The following WWOX variants were observed in gnomAD, a reference collection of about 807,000 sequenced individuals.
The protein encoded by WWOX is WW domain containing oxidoreductase.
A neutral mutation model predicts 46.2 loss-of-function variants in WWOX; 69 were observed. The ratio of observed to expected loss-of-function variants is 1.49; its 90% CI spans 1.23 to 1.82. The LOEUF is 1.82. Ranked by LOEUF, WWOX falls within the 40% of genes most tolerant of loss-of-function variation. The pLI is 0.00. For missense variants in WWOX, 919 were observed against 542.6 expected, an observed-to-expected ratio of 1.69 and a Z score of -6.89; for synonymous variants, 359 against 202.6, an observed-to-expected ratio of 1.77 and a Z score of -6.56.
chr16:79,078,797 C>T (rs2048706904), intron 8 of WWOX, among the ~76,000 whole-genome samples: 1 of 152,168 alleles, frequency 6.6e-6, no homozygotes, highest in South Asian at 2.1e-4. Context: ...CTTTATTTCT[C>T]CAAGTGGTGA....
intron 8 of WWOX, among the ~76,000 whole-genome samples, chr16:78,677,917 C>A (rs1174600805): frequency 6.6e-6 from 1 of 152,196 alleles, no homozygotes; most frequent in East Asian, 1.9e-4. Context: ...GTAGCCCGTT[C>A]CACTCCTACA....
intron 8 of WWOX, among the ~76,000 whole-genome samples, chr16:78,758,907 A>C (rs760168939): frequency 7.3e-5 from 11 of 150,986 alleles, no homozygotes; most frequent in Non-Finnish European, 1.6e-4. Context: ...CCAGCATTTT[A>C]TATTTTGCAT....
At chr16:78,422,565 T>A (rs1448801418) in intron 6 of WWOX, among the ~76,000 whole-genome samples, 3 of 148,970 alleles carry the variant, frequency 2.0e-5, no homozygotes, top group Non-Finnish European at 4.5e-5. Flanking sequence ...CAGGCTGGTT[T>A]TGAATACTGG....
intron 8 of WWOX, among the ~76,000 whole-genome samples, chr16:78,632,284 G>C (rs2046450643): frequency 6.6e-6 from 1 of 152,066 alleles, no homozygotes; most frequent in South Asian, 2.1e-4. Flanking sequence ...AGGGGAGTGA[G>C]GAATAAATGA....
At chr16:79,113,293 G>A (rs1300336684) in intron 8 of WWOX, among the ~76,000 whole-genome samples, 2 of 152,132 alleles carry the variant, frequency 1.3e-5, no homozygotes, top group Non-Finnish European at 2.9e-5. Context: ...GACGGGTGAA[G>A]AATTCACCTG....
chr16:78,532,738 A>G (rs1244673903), intron 8 of WWOX, among the ~76,000 whole-genome samples: 1 of 151,788 alleles, frequency 6.6e-6, no homozygotes, highest in African/African-American at 2.4e-5. Context: ...ACTCTCCCTT[A>G]TGATACCGTC....
At chr16:78,206,270 T>A (rs538951630) in intron 5 of WWOX, among the ~76,000 whole-genome samples, 1 of 152,150 alleles carries the variant, frequency 6.6e-6, no homozygotes, top group African/African-American at 2.4e-5. Flanking sequence ...ATTTTGGAAA[T>A]GAGCCTGTCA....
intron 8 of WWOX, among the ~76,000 whole-genome samples, chr16:79,149,611 C>T (rs1044046587): frequency 6.6e-6 from 1 of 152,196 alleles, no homozygotes; most frequent in African/African-American, 2.4e-5. Context: ...GGGAGCTCAG[C>T]TTTAGTTGCA....
chr16:79,157,038 T>G (rs369718166), intron 8 of WWOX, among the ~76,000 whole-genome samples: 53 of 152,356 alleles, frequency 3.5e-4, no homozygotes, highest in African/African-American at 1.2e-3. Flanking sequence ...AAAATGGCCC[T>G]GGCCATTCCT....
chr16:78,134,450 G>T (rs571731170), intron 4 of WWOX, among the ~76,000 whole-genome samples: 222 of 151,998 alleles, frequency 1.5e-3, no homozygotes, highest in African/African-American at 5.1e-3. Flanking sequence ...GTTGCCTTTA[G>T]CCTTTGTTTT....
intron 8 of WWOX, among the ~76,000 whole-genome samples, chr16:78,585,675 GTTT>G (rs72477856): frequency 7.0e-6 from 1 of 141,912 alleles, no homozygotes; most frequent in African/African-American, 2.6e-5. Flanking sequence ...TTTGTTTTGG[GTTT>G]TTTTTTTTGT....
intron 8 of WWOX, among the ~76,000 whole-genome samples, chr16:79,175,368 G>A (rs1254934142): frequency 6.6e-6 from 1 of 152,162 alleles, no homozygotes; most frequent in Non-Finnish European, 1.5e-5. Flanking sequence ...TTCTGGGTGT[G>A]GGTTTTAAAT....
chr16:78,776,251 G>C (rs545366851), intron 8 of WWOX, among the ~76,000 whole-genome samples: 2 of 152,152 alleles, frequency 1.3e-5, no homozygotes, highest in Admixed American at 6.5e-5. Context: ...CAGCAGCACA[G>C]GCTACATTGG....
intron 8 of WWOX, among the ~76,000 whole-genome samples, chr16:78,640,620 G>A (rs948105959): frequency 6.6e-6 from 1 of 152,072 alleles, no homozygotes; most frequent in Admixed American, 6.6e-5. Context: ...CCTGCACATT[G>A]TACCCTGGAA....
intron 8 of WWOX, among the ~76,000 whole-genome samples, chr16:78,650,214 A>G (rs887403630): frequency 6.6e-6 from 1 of 152,234 alleles, no homozygotes; most frequent in Admixed American, 6.5e-5. Flanking sequence ...TCTTTGTAAC[A>G]CATTACTACA....
intron 8 of WWOX, among the ~76,000 whole-genome samples, chr16:78,542,446 A>G (rs74029542): frequency 0.028 from 4,241 of 152,208 alleles, 155 homozygotes; most frequent in African/African-American, 0.086. Context: ...TTGCGTTTGA[A>G]TTTGGTCCCA....
At chr16:78,897,785 C>G (rs1358624700) in intron 8 of WWOX, 3 of 152,144 alleles carry the variant, frequency 2.0e-5, no homozygotes, top group Non-Finnish European at 4.4e-5. Flanking sequence ...TAACCCCCCG[C>G]TAGAAGTGTG....
Position 78,996,178 on chromosome 16 carries a change from T to G in WWOX, c.1057-215430T>G, listed in dbSNP as rs1004988298. ...TTTTTTTTTAACGAAACTCACATCT[T>G]CTTTAAATAAAATCTCCATTTAGAA... On this transcript the variant is annotated intron_variant, in intron 8 of 8. Transcript: ENST00000566780. 1.3e-5 allele frequency: 13 copies of G among 980,894 alleles called. No homozygotes were observed. In the African/African-American group the frequency reaches 2.1e-4, roughly 16 times the overall value. The allele number at this position is 980,894 out of a possible 1,614,324, so 60.8% of individuals were successfully genotyped here.
At chr16:78,701,583 A>G (rs960580712) in intron 8 of WWOX, among the ~76,000 whole-genome samples, 1 of 151,336 alleles carries the variant, frequency 6.6e-6, no homozygotes, top group Admixed American at 6.6e-5. Context: ...TATACTCAAC[A>G]TATATCTCCC....
Sources: allele counts gnomAD v4.1 joint callset (sites outside exome capture counted in the v4.1 genomes callset), GRCh38; gene constraint gnomAD v4.1.1; transcripts MANE v1.5; gene names NCBI Gene and HGNC (gene_info 2026-07-23, HGNC 2026-07-21).